Variants in CSMD1 observed in about 807,000 individuals in gnomAD.
CSMD1 encodes CUB and Sushi multiple domains 1, also known as CUB and sushi domain-containing protein 1.
A neutral mutation model predicts 417.5 loss-of-function variants in CSMD1; 213 were observed. The ratio of observed to expected loss-of-function variants is 0.51; its 90% CI spans 0.46 to 0.57. CSMD1 has a LOEUF of 0.57. CSMD1 is among the 20% of genes least tolerant of loss of function. The probability of loss-of-function intolerance (pLI) is 0.00; values close to 1 mark genes in which losing one functional copy is unlikely to be tolerated. For synonymous variants in CSMD1, 2,862 were observed against 1,736.8 expected (o/e 1.65, Z -16.11); for missense variants, 6,923 against 4,529.7 (o/e 1.53, Z -15.17).
intron 5 of CSMD1, among the ~76,000 whole-genome samples, chr8:3,978,370 A>C (rs11987702): frequency 1.3e-5 from 2 of 151,884 alleles, no homozygotes; most frequent in African/African-American, 4.8e-5. Flanking sequence ...TTTACATCTT[A>C]TTTATCAAAT....
intron 41 of CSMD1, among the ~76,000 whole-genome samples, chr8:3,134,237 G>A (rs1408545354): frequency 1.3e-5 from 2 of 152,164 alleles, no homozygotes; most frequent in Non-Finnish European, 1.5e-5. Flanking sequence ...AGCTCTGCCA[G>A]TGTTTGCTGC....
At chr8:3,258,680 T>G (rs899257121) in intron 26 of CSMD1, among the ~76,000 whole-genome samples, 1 of 152,154 alleles carries the variant, frequency 6.6e-6, no homozygotes, top group Non-Finnish European at 1.5e-5. Context: ...AGCAAAGCCA[T>G]GGAAGCAACC....
intron 1 of CSMD1, among the ~76,000 whole-genome samples, chr8:4,676,422 G>A (rs982760934): frequency 6.6e-6 from 1 of 151,970 alleles, no homozygotes; most frequent in Non-Finnish European, 1.5e-5. Context: ...ACCACTTCTG[G>A]GAGCCTCTGC....
intron 3 of CSMD1, among the ~76,000 whole-genome samples, chr8:4,135,844 G>T (rs748302730): frequency 6.6e-6 from 1 of 152,010 alleles, no homozygotes; most frequent in Non-Finnish European, 1.5e-5. Flanking sequence ...CTACAAATTG[G>T]CATTTTTTTA....
At chr8:4,310,952 A>T (rs1798528232) in intron 3 of CSMD1, among the ~76,000 whole-genome samples, 1 of 152,234 alleles carries the variant, frequency 6.6e-6, no homozygotes, top group Non-Finnish European at 1.5e-5. Context: ...CCTCAGTGAG[A>T]TACTATCTCC....
chr8:3,269,274 G>T (rs1801661759), intron 26 of CSMD1, among the ~76,000 whole-genome samples: 1 of 152,196 alleles, frequency 6.6e-6, no homozygotes, highest in Non-Finnish European at 1.5e-5. Context: ...AAAATGTGCG[G>T]CCAGTTCTCT....
chr8:4,863,547 T>C (rs1325360159), intron 1 of CSMD1, among the ~76,000 whole-genome samples: 1 of 152,096 alleles, frequency 6.6e-6, no homozygotes. Flanking sequence ...TGGTATCCCA[T>C]ATTCTCATTC....
intron 7 of CSMD1, among the ~76,000 whole-genome samples, chr8:3,685,438 CCAAG>C (rs1265712052): frequency 5.3e-5 from 8 of 152,126 alleles, no homozygotes; most frequent in Admixed American, 5.2e-4. Flanking sequence ...ACGATTACTG[CCAAG>C]GAAGAAGGCT....
At chr8:4,566,435 C>G (rs1200674824) in intron 2 of CSMD1, among the ~76,000 whole-genome samples, 1 of 151,748 alleles carries the variant, frequency 6.6e-6, no homozygotes, top group East Asian at 1.9e-4. Flanking sequence ...GGGTTGATCA[C>G]GAGGTCAAGA....
chr8:3,928,297 A>G (rs1464125967), intron 5 of CSMD1, among the ~76,000 whole-genome samples: 1 of 152,196 alleles, frequency 6.6e-6, no homozygotes, highest in Non-Finnish European at 1.5e-5. Flanking sequence ...TGATTATTCA[A>G]CTTCTTGAAT....
intron 1 of CSMD1, among the ~76,000 whole-genome samples, chr8:4,703,373 C>G (rs983891003): frequency 6.6e-6 from 1 of 152,174 alleles, no homozygotes; most frequent in South Asian, 2.1e-4. Flanking sequence ...TCTCTACTGA[C>G]AGAAGAAATA....
intron 1 of CSMD1, among the ~76,000 whole-genome samples, chr8:4,699,422 C>A (rs371621466): frequency 6.6e-6 from 1 of 152,140 alleles, no homozygotes. Flanking sequence ...AATGCCTGTT[C>A]TATTGTCAAG....
intron 5 of CSMD1, among the ~76,000 whole-genome samples, chr8:3,811,370 G>A (rs1196252502): frequency 4.6e-5 from 7 of 152,152 alleles, no homozygotes; most frequent in South Asian, 4.1e-4. Flanking sequence ...GCCTTTACCT[G>A]TGATTCTTAC....
chr8:3,851,703 G>A lies in CSMD1; in HGVS notation c.819-97661C>T, dbSNP rs73491910. On this transcript the variant is annotated intron_variant, in intron 5 of 69. Coordinates refer to ENST00000635120, the MANE Select transcript of CSMD1 (RefSeq NM_033225.6). ...GAATAGCAGAAGAAAAGAGAAAAAA[G>A]CAGAAGATAAATAATTAAAGGAAAG... is the stretch of plus-strand genomic sequence containing the variant. 8.5e-5 allele frequency among the ~76,000 whole-genome samples: 13 copies of A among 152,152 alleles called. No individual in the cohort carries two copies. The East Asian group carries it at 1.7e-3, about 20-fold the overall frequency.
At chr8:3,655,748 G>A (rs781360292) in intron 7 of CSMD1, among the ~76,000 whole-genome samples, 1 of 151,934 alleles carries the variant, frequency 6.6e-6, no homozygotes, top group East Asian at 1.9e-4. Flanking sequence ...ATGCTCATTG[G>A]GAAATTAGCT....
chr8:4,798,147 T>A (rs528333390), intron 1 of CSMD1, among the ~76,000 whole-genome samples: 3 of 152,244 alleles, frequency 2.0e-5, no homozygotes, highest in Non-Finnish European at 2.9e-5. Context: ...TATCTCCTAA[T>A]GCTATCCCTC....
At chr8:4,896,041 T>C (rs1804458555) in intron 1 of CSMD1, among the ~76,000 whole-genome samples, 1 of 152,132 alleles carries the variant, frequency 6.6e-6, no homozygotes, top group Non-Finnish European at 1.5e-5. Context: ...CTACAATTCT[T>C]TGTAGTTCAA....
At chr8:4,187,021 T>C (rs951437006) in intron 3 of CSMD1, among the ~76,000 whole-genome samples, 2 of 152,122 alleles carry the variant, frequency 1.3e-5, no homozygotes, top group Non-Finnish European at 2.9e-5. Flanking sequence ...AGTGTTCTTC[T>C]TCCTTTATAG....
At position 4,265,390 on chromosome 8, in the gene CSMD1, C is replaced by G. The variant is rs1223933621; in HGVS notation, c.415+154563G>C. Among the ~76,000 whole-genome samples, 79 of 44,782 alleles carry G rather than the reference C, an allele frequency of 1.8e-3. 12 individuals carry two copies. The highest frequency in any genetic ancestry group is 2.8e-3 in the African/African-American group (76 of 26,724). The allele number at this position is 44,782 out of a possible 152,430, so 29.4% of individuals were successfully genotyped here. A position where few individuals can be genotyped will look rare whatever the true frequency, so the allele number is the denominator to read the frequency against. On this transcript the variant is annotated intron_variant, in intron 3 of 69. Coordinates refer to ENST00000635120, the MANE Select transcript of CSMD1 (RefSeq NM_033225.6). ...CATTTGACATGTTACAATTAGTAAA[C>G]AGTTAATGCACCATATTCAGAGTTC... is the stretch of plus-strand genomic sequence containing the variant.
Sources: gnomAD v4.1 joint callset for allele counts (sites outside exome capture counted in the v4.1 genomes callset) on GRCh38, gnomAD v4.1.1 for gene constraint, MANE v1.5 for transcripts, NCBI Gene and HGNC (gene_info 2026-07-23, HGNC 2026-07-21) for gene names.